CSMD1: variants seen among roughly 807,000 people sequenced by gnomAD.
The protein encoded by CSMD1 is CUB and Sushi multiple domains 1.
A neutral mutation model predicts 417.5 loss-of-function variants in CSMD1; 213 were observed. That is an observed-to-expected ratio of 0.51 (90% CI 0.46 to 0.57). CSMD1 has a LOEUF of 0.57. CSMD1 is among the 20% of genes least tolerant of loss of function. CSMD1 has a pLI of 0.00. For missense variants in CSMD1, 6,923 were observed against 4,529.7 expected (o/e 1.53, Z -15.17); for synonymous variants, 2,862 against 1,736.8 (o/e 1.65, Z -16.11).
chr8:3,616,207 C>A (rs1802128781), intron 8 of CSMD1, among the ~76,000 whole-genome samples: 2 of 152,308 alleles, frequency 1.3e-5, no homozygotes, highest in Admixed American at 1.3e-4. Context: ...ATAATCTCCA[C>A]ATGTCATGGG....
In CSMD1 at chr8:3,991,113, G is replaced by C. The variant is rs1285829740; in HGVS notation, c.818+6790C>G. ...GGCTTCATCCCTGGCCACGAGCCGA[G>C]AGAAAAGGTAGAGACTGGAAATTGG... On this transcript the variant is annotated intron_variant, in intron 5 of 69. Transcript: ENST00000635120. Among the ~76,000 whole-genome samples the C allele has an allele frequency of 2.0e-5, 3 of 152,198 alleles. No individual in the cohort carries two copies. In the East Asian group the frequency reaches 5.8e-4, roughly 29 times the overall value.
At chr8:4,128,339 G>C (rs1404881043) in intron 3 of CSMD1, among the ~76,000 whole-genome samples, 2 of 152,168 alleles carry the variant, frequency 1.3e-5, no homozygotes, top group African/African-American at 2.4e-5. Flanking sequence ...GAGGAGACAA[G>C]AACGTGAACC....
intron 7 of CSMD1, among the ~76,000 whole-genome samples, chr8:3,658,759 G>C (rs964358824): frequency 1.3e-5 from 2 of 151,894 alleles, no homozygotes; most frequent in African/African-American, 2.4e-5. Context: ...CTTCAGCCTG[G>C]GTGACAAAGA....
intron 3 of CSMD1, among the ~76,000 whole-genome samples, chr8:4,324,421 A>T (rs1799437786): frequency 6.6e-6 from 1 of 152,196 alleles, no homozygotes; most frequent in Non-Finnish European, 1.5e-5. Context: ...CTGGCAGGAA[A>T]GCTAGAAGCC....
intron 3 of CSMD1, among the ~76,000 whole-genome samples, chr8:4,227,329 A>C (rs911164009): frequency 1.6e-4 from 25 of 152,052 alleles, no homozygotes; most frequent in African/African-American, 6.0e-4. Context: ...ACCACTCACC[A>C]CCCCTGCCTG....
intron 2 of CSMD1, among the ~76,000 whole-genome samples, chr8:4,580,065 G>C (rs951229139): frequency 2.0e-5 from 3 of 152,080 alleles, no homozygotes; most frequent in African/African-American, 7.2e-5. Context: ...GTGTTTCTCT[G>C]CTTTTGTTTC....
At chr8:4,696,054 T>G (rs1015450816) in intron 1 of CSMD1, among the ~76,000 whole-genome samples, 1 of 152,230 alleles carries the variant, frequency 6.6e-6, no homozygotes. Context: ...CTCTATCTTA[T>G]AAACATGGAT....
At chr8:4,459,155 T>C (rs747164240) in intron 2 of CSMD1, among the ~76,000 whole-genome samples, 7 of 152,332 alleles carry the variant, frequency 4.6e-5, no homozygotes, top group South Asian at 2.1e-4. Context: ...ACAAGCTTCA[T>C]AGGCAAAGGA....
At chr8:3,003,968 T>C (rs565383525) in intron 52 of CSMD1, among the ~76,000 whole-genome samples, 2 of 152,332 alleles carry the variant, frequency 1.3e-5, no homozygotes, top group South Asian at 4.1e-4. Context: ...CCTGTCCAGC[T>C]TAGTACATAG....
intron 5 of CSMD1, among the ~76,000 whole-genome samples, chr8:3,793,930 T>A (rs905354240): frequency 1.4e-4 from 22 of 152,130 alleles, no homozygotes; most frequent in Non-Finnish European, 5.9e-5. Context: ...CTCTTGATAC[T>A]CTCCCCCAGA....
chr8:4,660,531 G>A (rs971687729), intron 1 of CSMD1, among the ~76,000 whole-genome samples: 14 of 152,014 alleles, frequency 9.2e-5, no homozygotes, highest in Non-Finnish European at 1.9e-4. Flanking sequence ...ATTCTAAAAT[G>A]TATAGGGCAA....
At chr8:4,589,473 C>T (rs1799879403) in intron 2 of CSMD1, among the ~76,000 whole-genome samples, 2 of 152,178 alleles carry the variant, frequency 1.3e-5, no homozygotes, top group South Asian at 4.1e-4. Context: ...AAGACAAACT[C>T]TCTGCTGATC....
chr8:4,968,332 G>A (rs184416071), intron 1 of CSMD1, among the ~76,000 whole-genome samples: 2 of 152,012 alleles, frequency 1.3e-5, no homozygotes, highest in East Asian at 1.9e-4. Context: ...TCACAAGATT[G>A]TGTCACCATC....
chr8:3,565,131 C>CA (rs869248314), intron 10 of CSMD1, among the ~76,000 whole-genome samples: 322 of 10,442 alleles, frequency 0.031, 42 homozygotes, highest in East Asian at 0.048. Context: ...TGCAAGACAG[C>CA]AAAAAAAAAA....
At chr8:3,886,102 G>A (rs113530112) in intron 5 of CSMD1, among the ~76,000 whole-genome samples, 5,598 of 151,948 alleles carry the variant, frequency 0.037, 200 homozygotes, top group African/African-American at 0.091. Context: ...CTATGCTGGA[G>A]CACAGTGCTG....
chr8:4,840,681 TACTC>T (rs1181074653), intron 1 of CSMD1, among the ~76,000 whole-genome samples: 1 of 152,340 alleles, frequency 6.6e-6, no homozygotes, highest in African/African-American at 2.4e-5. Flanking sequence ...TGCCTGTTAT[TACTC>T]AGTGCCTGCA....
At chr8:3,307,433 AAATTTGGGGGAT>A (rs1804961579) in intron 25 of CSMD1, among the ~76,000 whole-genome samples, 1 of 152,104 alleles carries the variant, frequency 6.6e-6, no homozygotes, top group African/African-American at 2.4e-5. Flanking sequence ...TTCAGCTACT[AAATTTGGGGGAT>A]AGTTTGTTAT....
chr8:3,417,604 T>C (rs1469433018), intron 12 of CSMD1, among the ~76,000 whole-genome samples: 2 of 152,194 alleles, frequency 1.3e-5, no homozygotes, highest in Admixed American at 6.5e-5. Context: ...GAAGTGTTAA[T>C]GAACAGATTA....
chr8:4,407,353 A>T (rs1247551747), intron 3 of CSMD1, among the ~76,000 whole-genome samples: 1 of 152,226 alleles, frequency 6.6e-6, no homozygotes, highest in East Asian at 1.9e-4. Flanking sequence ...CTTTTTTAAA[A>T]CTCAATTTTT....
Sources: gnomAD v4.1 joint callset for allele counts (sites outside exome capture counted in the v4.1 genomes callset) on GRCh38, gnomAD v4.1.1 for gene constraint, MANE v1.5 for transcripts, NCBI Gene and HGNC (gene_info 2026-07-23, HGNC 2026-07-21) for gene names.